DUSP22: variants seen among roughly 807,000 people sequenced by gnomAD.
DUSP22 encodes the protein dual specificity protein phosphatase 22.
Under a neutral mutation model 24.5 loss-of-function variants are expected in DUSP22, and 24 were observed. The ratio of observed to expected loss-of-function variants is 0.98; its 90% CI spans 0.71 to 1.38. The LOEUF (loss-of-function observed/expected upper bound fraction) is 1.38. Ranked by LOEUF, DUSP22 falls within the 40% of genes most tolerant of loss-of-function variation. The pLI, the probability that DUSP22 is intolerant of heterozygous loss-of-function variation, is 0.00. For missense variants in DUSP22, 330 were observed against 269.2 expected, an observed-to-expected ratio of 1.23 and a Z score of -1.58; for synonymous variants, 160 against 106.4, an observed-to-expected ratio of 1.50 and a Z score of -3.10.
At chr6:324,165 A>G (rs1354911374) in intron 3 of DUSP22, among the ~76,000 whole-genome samples, 1 of 152,306 alleles carries the variant, frequency 6.6e-6, no homozygotes, top group African/African-American at 2.4e-5. Flanking sequence ...TGGCTACCCC[A>G]GTGAGTGTCC....
intron 4 of DUSP22, among the ~76,000 whole-genome samples, chr6:344,367 C>A (rs1759757703): frequency 6.6e-6 from 1 of 152,296 alleles, no homozygotes. Flanking sequence ...CTCACTGCAG[C>A]CTTAACCTCC....
intron 4 of DUSP22, among the ~76,000 whole-genome samples, chr6:343,086 T>TG (rs1759686107): frequency 1.3e-5 from 2 of 152,306 alleles, no homozygotes; most frequent in African/African-American, 4.8e-5. Context: ...GTGTCTGCTC[T>TG]GGAGTGTCCT....
Position 349,603 on chromosome 6 carries a change from A to T in DUSP22, c.*652A>T. On this transcript the variant is annotated 3_prime_UTR_variant, in exon 7 of 7. Coordinates refer to ENST00000419235, the MANE Select transcript of DUSP22 (RefSeq NM_001286555.3). The stretch of plus-strand genomic sequence containing the variant: ...ACAGGGGCCAGACTCCTCTAGAGGG[A>T]GGGTGGCTCTGGGGCCCTGGAAAAC... 2 of 987,510 alleles carry T rather than the reference A, an allele frequency of 2.0e-6. No homozygotes were observed. The highest frequency in any genetic ancestry group is 2.4e-6 in the Non-Finnish European group (2 of 831,564). The allele number at this position is 987,510 out of a possible 1,614,324, so 61.2% of individuals were successfully genotyped here.
At chr6:304,483 G>A in intron 1 of DUSP22, 145 bp from the exon 2 acceptor site, 2 of 1,238,632 alleles carry the variant, frequency 1.6e-6, no homozygotes, top group Admixed American at 1.7e-5. Context: ...GGGGATGTTG[G>A]GTCACCCGCG....
At chr6:303,336 G>C (rs545882831) in intron 1 of DUSP22, among the ~76,000 whole-genome samples, 1 of 152,310 alleles carries the variant, frequency 6.6e-6, no homozygotes, top group Non-Finnish European at 1.5e-5. Context: ...CAGTTTGGCC[G>C]ATACATTACG....
At chr6:333,508 A>G (rs1253009046) in intron 3 of DUSP22, among the ~76,000 whole-genome samples, 3 of 152,302 alleles carry the variant, frequency 2.0e-5, no homozygotes, top group Admixed American at 6.5e-5. Flanking sequence ...ACCCCTCATC[A>G]TTGTGGATGA....
chr6:347,739 C>T (rs541526531), intron 5 of DUSP22, among the ~76,000 whole-genome samples: 5 of 152,410 alleles, frequency 3.3e-5, no homozygotes, highest in East Asian at 3.9e-4. Context: ...ATGGGTTTGT[C>T]GCGTAGGCCC....
At chr6:342,935 CA>C (rs1447476779) in intron 4 of DUSP22, among the ~76,000 whole-genome samples, 1 of 152,308 alleles carries the variant, frequency 6.6e-6, no homozygotes, top group African/African-American at 2.4e-5. Flanking sequence ...CTGCCAACCG[CA>C]GACGGCTAGT....
chr6:298,568 G>A (rs1202935013), intron 1 of DUSP22, among the ~76,000 whole-genome samples: 1 of 152,308 alleles, frequency 6.6e-6, no homozygotes, highest in East Asian at 1.9e-4. Flanking sequence ...GTGCGTTTTT[G>A]TGGCTGAGGA....
At chr6:321,392 G>A (rs997923907) in intron 3 of DUSP22, among the ~76,000 whole-genome samples, 25 of 152,304 alleles carry the variant, frequency 1.6e-4, no homozygotes, top group Non-Finnish European at 3.7e-4. Context: ...GACACATTCC[G>A]ATTTCTTTTG....
intron 6 of DUSP22, 172 bp downstream of exon 6, chr6:348,446 G>A (rs1393263281): frequency 4.4e-6 from 5 of 1,146,800 alleles, no homozygotes; most frequent in African/African-American, 3.1e-5. Flanking sequence ...GATCCCTCGT[G>A]CACCTGTTGA....
At chr6:341,398 G>C (rs1759600938) in intron 4 of DUSP22, among the ~76,000 whole-genome samples, 1 of 152,304 alleles carries the variant, frequency 6.6e-6, no homozygotes. Flanking sequence ...CCAGGACTGT[G>C]GGTATTTCCC....
chr6:292,697 C>G, intron 1 of DUSP22, 137 bp downstream of exon 1: 1 of 1,287,966 alleles, frequency 7.8e-7, no homozygotes, highest in Non-Finnish European at 1.0e-6. Flanking sequence ...AGGGGCGGCG[C>G]GCCTGGGCGG....
At chr6:305,132 A>G (rs1299187428) in intron 2 of DUSP22, among the ~76,000 whole-genome samples, 1 of 152,308 alleles carries the variant, frequency 6.6e-6, no homozygotes, top group East Asian at 1.9e-4. Flanking sequence ...AAGTGAGTTC[A>G]CTTTTTAAAA....
intron 1 of DUSP22, among the ~76,000 whole-genome samples, chr6:295,744 G>T (rs1213584593): frequency 6.6e-6 from 1 of 151,336 alleles, no homozygotes; most frequent in African/African-American, 2.4e-5. Flanking sequence ...AGGCTGGAGC[G>T]AGTCGTGATT....
chr6:350,863 CTG>C lies in DUSP22; in HGVS notation c.*1914_*1915del. On this transcript the variant is annotated 3_prime_UTR_variant, in exon 7 of 7. Coordinates refer to ENST00000419235, the MANE Select transcript of DUSP22 (RefSeq NM_001286555.3). ...GAAGTTCTGGGCCTTTCTCAGAAGACTGTAATGTACCTGAAGTTTCTGAAATA... is the reference window on the plus strand; with the variant it reads ...GAAGTTCTGGGCCTTTCTCAGAAGACTAATGTACCTGAAGTTTCTGAAATA... The C allele has an allele frequency of 6.2e-7, 1 of 1,614,256 alleles. No individual in the cohort carries two copies. The highest frequency in any genetic ancestry group is 8.5e-7 in the Non-Finnish European group (1 of 1,180,018).
chr6:331,065 A>G (rs1759120270), intron 3 of DUSP22, among the ~76,000 whole-genome samples: 1 of 152,306 alleles, frequency 6.6e-6, no homozygotes, highest in South Asian at 2.1e-4. Context: ...CTTTGTCCTC[A>G]TAGAAATCAT....
intron 2 of DUSP22, among the ~76,000 whole-genome samples, chr6:308,971 C>T (rs545721641): frequency 5.9e-5 from 9 of 152,308 alleles, no homozygotes; most frequent in Admixed American, 1.3e-4. Context: ...GTTCTGTGAG[C>T]GCTGAAGCTG....
intron 4 of DUSP22, chr6:337,209 T>A (rs1759395545): frequency 6.6e-6 from 1 of 152,392 alleles, no homozygotes; most frequent in African/African-American, 2.4e-5. Context: ...GCGTAGATGT[T>A]AGAAAATCTC....
Sources: allele counts gnomAD v4.1 joint callset (sites outside exome capture counted in the v4.1 genomes callset), GRCh38; gene constraint gnomAD v4.1.1; transcripts MANE v1.5; gene names NCBI Gene and HGNC (gene_info 2026-07-23, HGNC 2026-07-21).